The following TNFAIP8 variants were observed in gnomAD, a reference collection of about 807,000 sequenced individuals.
TNFAIP8 encodes TNF alpha induced protein 8, also known as tumor necrosis factor alpha-induced protein 8.
TNFAIP8 carries 7 observed loss-of-function variants against 13.3 expected under a neutral mutation model. That is an observed-to-expected ratio of 0.52 (90% CI 0.30 to 0.99). The LOEUF (loss-of-function observed/expected upper bound fraction) is 0.99, where lower values mean the gene tolerates loss of function less well. Ranked by LOEUF, TNFAIP8 falls within the 50% of genes least tolerant of loss-of-function variation. The pLI, the probability that TNFAIP8 is intolerant of heterozygous loss-of-function variation, is 0.07. For synonymous variants in TNFAIP8, 94 were observed against 87.6 expected (o/e 1.07, Z -0.41); for missense variants, 258 against 236.9 (o/e 1.09, Z -0.58).
In TNFAIP8 at chr5:119,310,226, G is replaced by A. The variant is rs960707934; in HGVS notation, c.1+41319G>A. 7.9e-5 allele frequency among the ~76,000 whole-genome samples: 12 copies of A among 152,278 alleles called. No homozygotes were observed. The East Asian group carries it at 1.7e-3, about 22-fold the overall frequency. ...ACAGATGTCACTCTTTCGCTCCCTG[G>A]ACTCCCTCCACAAGATGAGGTACTA... On this transcript the variant is annotated intron_variant, in intron 1 of 1. Coordinates refer to the TNFAIP8 transcript ENST00000274456.
chr5:119,303,208 A>G (rs1487996765), intron 1 of TNFAIP8, among the ~76,000 whole-genome samples: 1 of 152,206 alleles, frequency 6.6e-6, no homozygotes, highest in African/African-American at 2.4e-5. Context: ...TTGGTTTTCC[A>G]TTACCCATGC....
At chr5:119,351,027 T>TA (rs1481124184), upstream of TNFAIP8, among the ~76,000 whole-genome samples, 6 of 142,856 alleles carry the variant, frequency 4.2e-5, no homozygotes, top group Admixed American at 2.0e-4. Flanking sequence ...TGTGTGTGTG[T>TA]GTGTGTGTAG....
chr5:119,356,280 C>T (rs920039355), intron 1 of TNFAIP8, among the ~76,000 whole-genome samples, 159 bp downstream of exon 1: 12 of 152,108 alleles, frequency 7.9e-5, no homozygotes, highest in Admixed American at 5.9e-4. Flanking sequence ...AAGCGGAGCC[C>T]GGGTCTCATC....
At chr5:119,309,492 C>T (rs993628185) in intron 1 of TNFAIP8, among the ~76,000 whole-genome samples, 6 of 152,014 alleles carry the variant, frequency 3.9e-5, no homozygotes, top group African/African-American at 1.4e-4. Flanking sequence ...CGCTCCAGCA[C>T]ATTCTCCAAA....
At chr5:119,391,187 C>T (rs747000968) in intron 1 of TNFAIP8, among the ~76,000 whole-genome samples, 67 of 152,202 alleles carry the variant, frequency 4.4e-4, no homozygotes, top group Non-Finnish European at 7.9e-4. Flanking sequence ...AGTCACTCTT[C>T]CTATATGTCT....
chr5:119,276,198 A>G (rs1226398334), intron 1 of TNFAIP8, among the ~76,000 whole-genome samples: 1 of 151,530 alleles, frequency 6.6e-6, no homozygotes, highest in African/African-American at 2.4e-5. Context: ...GCTCACTGCA[A>G]CCTCTAACTC....
chr5:119,358,381 A>G (rs1751516174), intron 1 of TNFAIP8, among the ~76,000 whole-genome samples: 1 of 152,192 alleles, frequency 6.6e-6, no homozygotes. Context: ...AGCTTAAAAC[A>G]TACTTGACTC....
intron 1 of TNFAIP8, among the ~76,000 whole-genome samples, chr5:119,371,439 C>T (rs1331855742): frequency 1.3e-5 from 2 of 152,060 alleles, no homozygotes; most frequent in East Asian, 3.9e-4. Context: ...TAGAAAAAGA[C>T]CTTCCTTTTT....
chr5:119,360,661 A>G (rs1408377265), intron 1 of TNFAIP8, among the ~76,000 whole-genome samples: 1 of 152,136 alleles, frequency 6.6e-6, no homozygotes, highest in Non-Finnish European at 1.5e-5. Context: ...ATCCTCTTTA[A>G]TACATGTTCT....
At chr5:119,273,140 A>G (rs1391690678) in intron 1 of TNFAIP8, among the ~76,000 whole-genome samples, 1 of 152,258 alleles carries the variant, frequency 6.6e-6, no homozygotes, top group Non-Finnish European at 1.5e-5. Context: ...GCTTTGGACA[A>G]TCTACTTAGC....
intron 1 of TNFAIP8, among the ~76,000 whole-genome samples, chr5:119,340,937 G>C (rs1750715000): frequency 6.6e-6 from 1 of 152,096 alleles, no homozygotes; most frequent in South Asian, 2.1e-4. Context: ...TTGTGTTCTG[G>C]GACATCCAGA....
At chr5:119,317,431 ATTCT>A (rs537800350) in intron 1 of TNFAIP8, among the ~76,000 whole-genome samples, 2 of 151,958 alleles carry the variant, frequency 1.3e-5, no homozygotes, top group African/African-American at 2.4e-5. Flanking sequence ...GAGACTTTTT[ATTCT>A]TTCTTCCTTT....
At chr5:119,299,364 G>A (rs941815782) in intron 1 of TNFAIP8, among the ~76,000 whole-genome samples, 2 of 152,194 alleles carry the variant, frequency 1.3e-5, no homozygotes, top group African/African-American at 4.8e-5. Context: ...GAGTTTGCTA[G>A]AGGTCCACTC....
At chr5:119,383,588 A>C (rs1272941812) in intron 1 of TNFAIP8, among the ~76,000 whole-genome samples, 1 of 152,186 alleles carries the variant, frequency 6.6e-6, no homozygotes, top group East Asian at 1.9e-4. Context: ...TTCATCACTC[A>C]AAAGTTGCAT....
At chr5:119,370,377 A>C (rs548675838) in intron 1 of TNFAIP8, among the ~76,000 whole-genome samples, 137 of 152,368 alleles carry the variant, frequency 9.0e-4, no homozygotes, top group African/African-American at 3.1e-3. Flanking sequence ...GAGGCTTTCA[A>C]ACCCTAATTC....
At chr5:119,291,456 C>T (rs73794110) in intron 1 of TNFAIP8, among the ~76,000 whole-genome samples, 13,124 of 152,254 alleles carry the variant, frequency 0.086, 792 homozygotes, top group African/African-American at 0.17. Context: ...ATCAGTTCTG[C>T]GTGCTTGGCA....
At chr5:119,386,545 G>A (rs1752680626) in intron 1 of TNFAIP8, among the ~76,000 whole-genome samples, 1 of 124,250 alleles carries the variant, frequency 8.0e-6, no homozygotes, top group Admixed American at 8.3e-5. Flanking sequence ...TTGTTTTGCG[G>A]GGGAGGAGTA....
chr5:119,363,519 G>C (rs902235882), intron 1 of TNFAIP8, among the ~76,000 whole-genome samples: 5 of 152,220 alleles, frequency 3.3e-5, no homozygotes, highest in Non-Finnish European at 5.9e-5. Flanking sequence ...AAGAGCATTT[G>C]CCTACAGGCC....
At chr5:119,275,622 C>G (rs1254414270) in intron 1 of TNFAIP8, among the ~76,000 whole-genome samples, 1 of 152,068 alleles carries the variant, frequency 6.6e-6, no homozygotes, top group Non-Finnish European at 1.5e-5. Flanking sequence ...AAAAACAGAC[C>G]ATTTTTTTCT....
Sources: allele counts gnomAD v4.1 joint callset (sites outside exome capture counted in the v4.1 genomes callset), GRCh38; gene constraint gnomAD v4.1.1; transcripts MANE v1.5; gene names NCBI Gene and HGNC (gene_info 2026-07-23, HGNC 2026-07-21).